HYDIN: variants seen among roughly 807,000 people sequenced by gnomAD.
The protein encoded by HYDIN is HYDIN axonemal central pair apparatus protein, also known as axonemal central pair apparatus protein HYDIN.
In HYDIN, 132 loss-of-function variants were observed where a neutral mutation model predicts 403.9. That is an observed-to-expected ratio of 0.33 (90% confidence interval 0.28 to 0.38). The LOEUF (loss-of-function observed/expected upper bound fraction) is 0.38. Among genes scored for constraint, HYDIN ranks in the 10% least tolerant of loss-of-function variants. The pLI is 1.00. For missense variants in HYDIN, 2,827 were observed against 5,009.5 expected, an observed-to-expected ratio of 0.56 and a Z score of 13.15; for synonymous variants, 1,202 against 1,891.7, an observed-to-expected ratio of 0.64 and a Z score of 9.46.
chr16:70,904,049 T>C lies in HYDIN; in HGVS notation c.8532A>G (p.Leu2844=). 6.4e-7 allele frequency: 1 copy of C among 1,569,334 alleles called. No individual in the cohort carries two copies. The highest frequency in any genetic ancestry group is 1.1e-5 in the South Asian group (1 of 88,378). The change falls in exon 51 of 86, where the codon TTA becomes TTG. Residue 2844 remains leucine, a synonymous_variant. Coordinates refer to ENST00000393567, the MANE Select transcript of HYDIN (RefSeq NM_001270974.2). ...GKSRDKYKSS[L]FPGNMETLTI... ...TTAGCGTCTCCATGTTGCCTGGGAA[T>C]AAGGATGACTTGTACCTGGGGATGA...
At chr16:71,178,891 C>G in intron 4 of HYDIN, 37 bp downstream of exon 4, 1 of 1,583,668 alleles carries the variant, frequency 6.3e-7, no homozygotes, top group Non-Finnish European at 8.6e-7. Context: ...TCTCATATAT[C>G]CTGGAACAGT....
intron 2 of HYDIN, among the ~76,000 whole-genome samples, chr16:71,186,275 A>C (rs1402258241): frequency 2.6e-5 from 4 of 152,178 alleles, no homozygotes; most frequent in Non-Finnish European, 4.4e-5. Context: ...AATTAAAGCT[A>C]TAAATATGTT....
intron 47 of HYDIN, among the ~76,000 whole-genome samples, chr16:70,917,327 G>A (rs925572860): frequency 6.6e-6 from 1 of 152,274 alleles, no homozygotes; most frequent in Non-Finnish European, 1.5e-5. Context: ...GCCCACCGAC[G>A]CTACTGATCT....
intron 23 of HYDIN, among the ~76,000 whole-genome samples, chr16:71,014,537 C>T (rs2080193829): frequency 6.6e-6 from 1 of 151,678 alleles, no homozygotes; most frequent in South Asian, 2.1e-4. Context: ...ATCACCCTCC[C>T]CTGACAGTGA....
intron 1 of HYDIN, among the ~76,000 whole-genome samples, chr16:71,217,113 T>C (rs1177157355): frequency 1.3e-5 from 2 of 152,240 alleles, no homozygotes; most frequent in Admixed American, 6.5e-5. Flanking sequence ...GCATTGACTG[T>C]TAATTTAACC....
intron 13 of HYDIN, among the ~76,000 whole-genome samples, chr16:71,070,294 C>T (rs1313572235): frequency 2.0e-5 from 3 of 147,966 alleles, no homozygotes; most frequent in African/African-American, 7.5e-5. Context: ...TCCTTCCTTC[C>T]TTCCTCCTTC....
intron 5 of HYDIN, among the ~76,000 whole-genome samples, chr16:71,162,941 T>C (rs1230557293): frequency 6.6e-6 from 1 of 152,238 alleles, no homozygotes; most frequent in East Asian, 1.9e-4. Context: ...TGTTAAAACC[T>C]ACAGCTGGTA....
At chr16:71,201,570 G>A (rs1567445415) in intron 1 of HYDIN, among the ~76,000 whole-genome samples, 4 of 152,154 alleles carry the variant, frequency 2.6e-5, no homozygotes, top group Non-Finnish European at 1.5e-5. Context: ...CAAAGCCAAT[G>A]AGGCTTAATT....
chr16:71,173,884 G>A (rs1026719870), intron 5 of HYDIN, among the ~76,000 whole-genome samples: 1 of 152,052 alleles, frequency 6.6e-6, no homozygotes, highest in African/African-American at 2.4e-5. Flanking sequence ...CTCCAGCACA[G>A]AAAAAAACTA....
At chr16:70,974,891 G>A (rs1178694811) in intron 31 of HYDIN, among the ~76,000 whole-genome samples, 1 of 152,218 alleles carries the variant, frequency 6.6e-6, no homozygotes. Context: ...TGTTCAGCAT[G>A]GGCCCTTATG....
At chr16:71,200,636 A>G (rs979026924) in intron 1 of HYDIN, among the ~76,000 whole-genome samples, 29 of 152,310 alleles carry the variant, frequency 1.9e-4, no homozygotes, top group Admixed American at 1.6e-3. Flanking sequence ...TTATTTATCT[A>G]CCAAGCAAGA....
chr16:71,038,411 A>T (rs1438242319), intron 18 of HYDIN, among the ~76,000 whole-genome samples: 2 of 152,072 alleles, frequency 1.3e-5, no homozygotes, highest in Non-Finnish European at 2.9e-5. Flanking sequence ...ATGTCACCGC[A>T]ACAATCACCG....
intron 52 of HYDIN, among the ~76,000 whole-genome samples, chr16:70,902,821 A>ATATATATATTTTTTTTTT: frequency 2.1e-5 from 1 of 47,312 alleles, no homozygotes; most frequent in African/African-American, 1.2e-4. Context: ...ATATATATAT[A>ATATATATATTTTTTTTTT]TTTTTTTTTT....
In HYDIN at chr16:70,887,835, C is replaced by A. The variant is rs2041233424; in HGVS notation, c.9774+1752G>T. On this transcript the variant is annotated intron_variant, in intron 58 of 85. Transcript: ENST00000393567. ...AGTAGCTGGGACTACAGGCACCTGC[C>A]ACCATGCCTGGCTATTTTTTTGTAT... Among the ~76,000 whole-genome samples, 7 of 151,734 alleles carry A rather than the reference C, an allele frequency of 4.6e-5. No homozygotes were observed. In the South Asian group the frequency reaches 1.5e-3, roughly 32 times the overall value.
At chr16:70,954,541 T>C (rs528364454) in intron 40 of HYDIN, among the ~76,000 whole-genome samples, 11 of 152,148 alleles carry the variant, frequency 7.2e-5, no homozygotes, top group East Asian at 5.8e-4. Flanking sequence ...CAGCAAACTT[T>C]TTCTTCCTCC....
At chr16:70,866,528 A>G (rs575811618) in intron 66 of HYDIN, among the ~76,000 whole-genome samples, 199 bp from the exon 67 acceptor site, 18 of 152,330 alleles carry the variant, frequency 1.2e-4, no homozygotes, top group Admixed American at 9.8e-4. Flanking sequence ...AGTCATCTAG[A>G]TGAAAAATAT....
In HYDIN at chr16:70,805,165, T is replaced by C. The variant is rs2035056631; in HGVS notation, c.*2415A>G. ...GGTTAATTTCATCAACTAGGTCCTA[T>C]GCAGATTTGGTAAGACTTCTCAGGA... is the stretch of plus-strand genomic sequence containing the variant. On this transcript the variant is annotated 3_prime_UTR_variant, in exon 86 of 86. Coordinates refer to ENST00000393567, the MANE Select transcript of HYDIN (RefSeq NM_001270974.2). 6.6e-6 allele frequency among the ~76,000 whole-genome samples: 1 copy of C among 152,358 alleles called. No individual in the cohort carries two copies. Among genetic ancestry groups the C allele is most frequent in the Non-Finnish European group, 1.5e-5 (1 of 68,028 alleles).
chr16:70,829,890 C>G (rs1476431089), intron 80 of HYDIN, 60 bp from the exon 81 acceptor site: 1 of 1,445,878 alleles, frequency 6.9e-7, no homozygotes, highest in African/African-American at 1.4e-5. Flanking sequence ...TCTCCAGGGC[C>G]AGAAGTACAG....
chr16:71,045,743 A>C (rs1254197431), intron 18 of HYDIN, among the ~76,000 whole-genome samples: 1 of 91,750 alleles, frequency 1.1e-5, no homozygotes, highest in African/African-American at 4.1e-5. Flanking sequence ...GTAAGCTTCA[A>C]GATAGAAAAT....
Sources: gnomAD v4.1 joint callset for allele counts (sites outside exome capture counted in the v4.1 genomes callset) on GRCh38, gnomAD v4.1.1 for gene constraint, MANE v1.5 for transcripts, NCBI Gene and HGNC (gene_info 2026-07-23, HGNC 2026-07-21) for gene names.